CYP20A1: variants seen among roughly 807,000 people sequenced by gnomAD.
CYP20A1 encodes the protein cytochrome P450 20A1.
In CYP20A1, 61 loss-of-function variants were observed where a neutral mutation model predicts 61.4. That is an observed-to-expected ratio of 0.99 (90% CI 0.81 to 1.23). The LOEUF is 1.23. CYP20A1 is among the 50% of genes most tolerant of loss of function. CYP20A1 has a pLI of 0.00. For missense variants in CYP20A1, 530 were observed against 542.4 expected (o/e 0.98, Z 0.23); for synonymous variants, 193 against 188.2 (o/e 1.03, Z -0.21).
rs1385093060 is a variant in CYP20A1, at chr2:203,305,951, C to T, written c.*9043C>T. ...AAGAGGATGTTGTATGCCTGCCTTC[C>T]ACTCATGCCTGTGTTAGATGTGAAC... is the stretch of plus-strand genomic sequence containing the variant. On this transcript the variant is annotated 3_prime_UTR_variant, in exon 13 of 13. Coordinates refer to ENST00000356079, the MANE Select transcript of CYP20A1 (RefSeq NM_177538.3). Among the ~76,000 whole-genome samples the T allele has an allele frequency of 1.3e-5, 2 of 152,180 alleles. No individual in the cohort carries two copies. The highest frequency in any genetic ancestry group is 2.9e-5 in the Non-Finnish European group (2 of 68,044).
chr2:203,292,262 A>G lies in CYP20A1; in HGVS notation c.1084A>G (p.Thr362Ala). The G allele has an allele frequency of 6.2e-7, 1 of 1,602,712 alleles. No homozygotes were observed. The highest frequency in any genetic ancestry group is 1.3e-5 in the African/African-American group (1 of 74,112). Residue 362 changes from threonine (T) to alanine (A), a missense_variant and splice_region_variant, in exon 11 of 13, where the codon ACC becomes GCC. Thr to Ala is a moderately conservative substitution (Grantham distance 58). Coordinates refer to ENST00000356079, the MANE Select transcript of CYP20A1 (RefSeq NM_177538.3). Reference protein sequence around the residue: ...KIDRFIIPRETLVLYALGVVL... With the variant: ...KIDRFIIPREALVLYALGVVL... ...CTAATTGGATTTTTTTTTTTCACAGACCCTCGTCCTTTATGCCCTTGGTGT... is the reference window on the plus strand; with the variant it reads ...CTAATTGGATTTTTTTTTTTCACAGGCCCTCGTCCTTTATGCCCTTGGTGT...
At chr2:203,242,201 G>C (rs57188568) in intron 1 of CYP20A1, among the ~76,000 whole-genome samples, 3 of 152,128 alleles carry the variant, frequency 2.0e-5, no homozygotes, top group African/African-American at 7.2e-5. Context: ...GCCCAGGCTG[G>C]TCTCGAACTT....
In CYP20A1 at chr2:203,302,504, C is replaced by CAG. The variant is rs1393821209; in HGVS notation, c.*5596_*5597insAG. ...AGCTGTGGTAGTGCCACTGCACTCC[C>CAG]TCATGGTTGACAGAGCAAGACCCTG... is the stretch of plus-strand genomic sequence containing the variant. On this transcript the variant is annotated 3_prime_UTR_variant, in exon 13 of 13. Coordinates refer to ENST00000356079, the MANE Select transcript of CYP20A1 (RefSeq NM_177538.3). Among the ~76,000 whole-genome samples, 2 of 152,156 alleles carry CAG rather than the reference C, an allele frequency of 1.3e-5. No individual in the cohort carries two copies. Among genetic ancestry groups the CAG allele is most frequent in the Non-Finnish European group, 2.9e-5 (2 of 68,036 alleles).
In CYP20A1 at chr2:203,279,059, G is replaced by A. The variant is rs529269225; in HGVS notation, c.795+371G>A. On this transcript the variant is annotated intron_variant, in intron 7 of 12. Transcript: ENST00000356079. ...TGCTCACTGCAACCTCCACCTCCTG[G>A]GTTCAAGCGATTCTCCTGCCTCAGC... is the stretch of plus-strand genomic sequence containing the variant. Among the ~76,000 whole-genome samples, 6 of 152,188 alleles carry A rather than the reference G, an allele frequency of 3.9e-5. No individual in the cohort carries two copies. In the East Asian group the frequency reaches 1.2e-3, roughly 29 times the overall value.
chr2:203,279,832 C>A (rs1394466246), intron 7 of CYP20A1, among the ~76,000 whole-genome samples: 1 of 152,134 alleles, frequency 6.6e-6, no homozygotes, highest in Non-Finnish European at 1.5e-5. Context: ...AAAATACATA[C>A]AACTATAGTT....
chr2:203,266,694 C>A lies in CYP20A1; in HGVS notation c.600+13C>A. ...GAATCATGGCACAGTAAGTCTGGGG[C>A]TAAATTTAAAATTACTCTTTCAGGC... On this transcript the variant is annotated intron_variant, in intron 5 of 12. Transcript: ENST00000356079. 10 of 1,610,466 alleles carry A rather than the reference C, an allele frequency of 6.2e-6. No homozygotes were observed. Among genetic ancestry groups the A allele is most frequent in the Non-Finnish European group, 8.5e-6 (10 of 1,176,962 alleles).
Position 203,270,089 on chromosome 2 carries a change from C to CA in CYP20A1, c.601-2571dup, listed in dbSNP as rs1167127001. 3.9e-3 allele frequency among the ~76,000 whole-genome samples: 536 copies of CA among 137,030 alleles called. 1 individual carries two copies. The highest frequency in any genetic ancestry group is 5.3e-3 in the African/African-American group (200 of 37,852). 89.9% of individuals were successfully genotyped at this position (137,030 alleles called of 152,430 possible). A position where few individuals can be genotyped will look rare whatever the true frequency, so the allele number is the denominator to read the frequency against. On this transcript the variant is annotated intron_variant, in intron 5 of 12. Transcript: ENST00000356079. ...CAACATGACAAAACCCCATCTTTGCCAAAAAAAAAACGACAGGAAAATTTG... is the reference window on the plus strand; with the variant it reads ...CAACATGACAAAACCCCATCTTTGCCAAAAAAAAAAACGACAGGAAAATTTG...
Position 203,299,891 on chromosome 2 carries a change from T to C in CYP20A1, c.*2983T>C, listed in dbSNP as rs1226436463. On this transcript the variant is annotated 3_prime_UTR_variant, in exon 13 of 13. Transcript: ENST00000356079. ...CTCCGTCTCAAAAAAAAAAGAAAAA[T>C]TCTAAAACTTTAAGTGAAATTTATT... Among the ~76,000 whole-genome samples, 2 of 151,860 alleles carry C rather than the reference T, an allele frequency of 1.3e-5. No homozygotes were observed. The highest frequency in any genetic ancestry group is 2.9e-5 in the Non-Finnish European group (2 of 67,950).
At chr2:203,261,625 A>G (rs1329250208) in intron 4 of CYP20A1, among the ~76,000 whole-genome samples, 1 of 141,676 alleles carries the variant, frequency 7.1e-6, no homozygotes, top group African/African-American at 2.5e-5. Context: ...AAAAAAAAAA[A>G]GGAATAGCAG....
chr2:203,278,764 C>CACCTCACCCTCTCAAGT, intron 7 of CYP20A1, 76 bp downstream of exon 7: 2 of 746,612 alleles, frequency 2.7e-6, no homozygotes, highest in Non-Finnish European at 4.3e-6. Flanking sequence ...ACTGTAGTCC[C>CACCTCACCCTCTCAAGT]AGCTACTTGA....
intron 5 of CYP20A1, among the ~76,000 whole-genome samples, chr2:203,271,070 ATATATATATATATTTTT>A: frequency 1.4e-5 from 1 of 69,908 alleles, no homozygotes; most frequent in African/African-American, 4.9e-5. Flanking sequence ...ATATATATAT[ATATATATATATATTTTT>A]TTTTTTTTTT....
At position 203,245,858 on chromosome 2, in the gene CYP20A1, G is replaced by A; in HGVS notation, c.85G>A (p.Ala29Thr). The A allele has an allele frequency of 6.2e-7, 1 of 1,602,170 alleles. No homozygotes were observed. The highest frequency in any genetic ancestry group is 8.5e-7 in the Non-Finnish European group (1 of 1,172,068). The change falls in exon 2 of 13, where the codon GCT becomes ACT. Residue 29 changes from alanine (A) to threonine (T), a missense_variant. By Grantham distance (58) the Ala-to-Thr change is moderately conservative (BLOSUM62 0). Coordinates refer to ENST00000356079, the MANE Select transcript of CYP20A1 (RefSeq NM_177538.3). ...VLYLYPASRQAAGIPGITPTE... is the reference protein window; with the variant it reads ...VLYLYPASRQTAGIPGITPTE... ...TTTTTTTTGTAAGGCTTCCAGACAA[G>A]CTGCAGGAATTCCAGGGATTACTCC...
At chr2:203,279,568 C>A (rs979166788) in intron 7 of CYP20A1, among the ~76,000 whole-genome samples, 1 of 152,134 alleles carries the variant, frequency 6.6e-6, no homozygotes, top group Non-Finnish European at 1.5e-5. Flanking sequence ...TTCTGCCTCA[C>A]TATACACATG....
Position 203,251,290 on chromosome 2 carries a change from C to A in CYP20A1, c.290-677C>A, listed in dbSNP as rs543120193. On this transcript the variant is annotated intron_variant, in intron 3 of 12. Transcript: ENST00000356079. ...ATAATTTTACTGTAATACTTGATAA[C>A]CACAAATCACAAACTTATCCATTTT... Among the ~76,000 whole-genome samples, 67 of 151,258 alleles carry A rather than the reference C, an allele frequency of 4.4e-4. 1 individual carries two copies. In the South Asian group the frequency reaches 0.013, roughly 30 times the overall value.
chr2:203,258,005 G>GCACAATTATAGCTCACTGGAGCA (rs1455916330), intron 4 of CYP20A1, among the ~76,000 whole-genome samples: 1 of 151,752 alleles, frequency 6.6e-6, no homozygotes, highest in East Asian at 1.9e-4. Flanking sequence ...GGGCTGAAGG[G>GCACAATTATAGCTCACTGGAGCA]ATCCTCCTGC....
chr2:203,245,075 G>GCT (rs2105895896), intron 1 of CYP20A1, among the ~76,000 whole-genome samples: 1 of 146,806 alleles, frequency 6.8e-6, no homozygotes, highest in South Asian at 2.1e-4. Flanking sequence ...TGTTGCCCAG[G>GCT]CTGTAGTGCA....
At chr2:203,239,261 C>T (rs2066155727) in intron 1 of CYP20A1, 127 bp downstream of exon 1, 1 of 778,106 alleles carries the variant, frequency 1.3e-6, no homozygotes, top group Non-Finnish European at 2.1e-6. Flanking sequence ...GGGTTCGCTC[C>T]AGAGCTTCAG....
Position 203,285,745 on chromosome 2 carries a change from TA to T in CYP20A1, c.971+18del. On this transcript the variant is annotated intron_variant, in intron 9 of 12. Coordinates refer to ENST00000356079, the MANE Select transcript of CYP20A1 (RefSeq NM_177538.3). ...TTGAGCAGCTCAGGTAAGAACACAA[TA>T]AAAAGAGGAGATTATTAAAAGGTAA... is the stretch of plus-strand genomic sequence containing the variant. 1 of 1,550,972 alleles carries T rather than the reference TA, an allele frequency of 6.4e-7. No homozygotes were observed. The highest frequency in any genetic ancestry group is 8.6e-7 in the Non-Finnish European group (1 of 1,159,828).
At chr2:203,241,004 TATC>T (rs1056094753) in intron 1 of CYP20A1, among the ~76,000 whole-genome samples, 8 of 152,230 alleles carry the variant, frequency 5.3e-5, no homozygotes, top group African/African-American at 1.7e-4. Flanking sequence ...AGGAGGATAT[TATC>T]ATTTCAGCTT....
Sources: allele counts gnomAD v4.1 joint callset (sites outside exome capture counted in the v4.1 genomes callset), GRCh38; gene constraint gnomAD v4.1.1; transcripts MANE v1.5; gene names NCBI Gene and HGNC (gene_info 2026-07-23, HGNC 2026-07-21).